The following OSBP2 variants were observed in gnomAD, a reference collection of about 807,000 sequenced individuals.
OSBP2 encodes the protein oxysterol binding protein 2.
A neutral mutation model predicts 96.0 loss-of-function variants in OSBP2; 66 were observed. The observed-to-expected ratio is 0.69, with a 90% CI of 0.56 to 0.84. The LOEUF (loss-of-function observed/expected upper bound fraction) is 0.84. OSBP2 is among the 40% of genes least tolerant of loss of function. OSBP2 has a pLI of 0.00. For missense variants in OSBP2, 1,038 were observed against 1,222.7 expected, an observed-to-expected ratio of 0.85 and a Z score of 2.25; for synonymous variants, 525 against 520.9, an observed-to-expected ratio of 1.01 and a Z score of -0.11.
At chr22:30,828,608 G>A (rs1320550460) in intron 2 of OSBP2, among the ~76,000 whole-genome samples, 2 of 152,214 alleles carry the variant, frequency 1.3e-5, no homozygotes, top group Non-Finnish European at 2.9e-5. Context: ...CAGAGGGCCC[G>A]ACGTGGGCAA....
At chr22:30,826,218 A>G (rs1177385514) in intron 2 of OSBP2, among the ~76,000 whole-genome samples, 1 of 152,100 alleles carries the variant, frequency 6.6e-6, no homozygotes, top group African/African-American at 2.4e-5. Flanking sequence ...CTTTTAGGGG[A>G]CAGCTTGCCA....
At chr22:30,781,249 TG>T (rs2090515460) in intron 2 of OSBP2, among the ~76,000 whole-genome samples, 1 of 151,824 alleles carries the variant, frequency 6.6e-6, no homozygotes, top group Admixed American at 6.6e-5. Context: ...CCCAAAGTGC[TG>T]GGATTACAGA....
intron 2 of OSBP2, among the ~76,000 whole-genome samples, chr22:30,836,874 C>T (rs759836239): frequency 1.3e-5 from 2 of 152,096 alleles, no homozygotes; most frequent in Non-Finnish European, 2.9e-5. Flanking sequence ...GCCTGTGTCC[C>T]CAGTGCCTTA....
intron 2 of OSBP2, chr22:30,764,159 C>G: frequency 3.4e-6 from 3 of 875,638 alleles, no homozygotes; most frequent in Non-Finnish European, 4.1e-6. Flanking sequence ...CTCGCCTCCC[C>G]TAGGCTCGCC....
intron 2 of OSBP2, among the ~76,000 whole-genome samples, chr22:30,851,630 G>T (rs1021256097): frequency 6.6e-6 from 1 of 152,078 alleles, no homozygotes; most frequent in Admixed American, 6.5e-5. Context: ...GTAATGTTGA[G>T]TAGAAGTGGT....
intron 2 of OSBP2, among the ~76,000 whole-genome samples, chr22:30,758,230 C>T (rs2090164676): frequency 6.6e-6 from 1 of 152,028 alleles, no homozygotes; most frequent in Admixed American, 6.6e-5. Context: ...GGTGAAACCC[C>T]ATCTCTACTA....
chr22:30,809,387 G>T (rs1487198744), intron 2 of OSBP2, among the ~76,000 whole-genome samples: 1 of 152,168 alleles, frequency 6.6e-6, no homozygotes, highest in East Asian at 1.9e-4. Flanking sequence ...CTCTGAGAAG[G>T]GCCTTCCACC....
At chr22:30,742,736 T>G (rs2089955920) in intron 2 of OSBP2, among the ~76,000 whole-genome samples, 1 of 152,226 alleles carries the variant, frequency 6.6e-6, no homozygotes, top group Admixed American at 6.5e-5. Flanking sequence ...AACCTATAGC[T>G]TGTTGGTGAG....
intron 2 of OSBP2, among the ~76,000 whole-genome samples, chr22:30,859,940 C>T (rs2147083501): frequency 6.6e-6 from 1 of 152,138 alleles, no homozygotes. Context: ...GCCCCCGGCC[C>T]CTCTCTGCAG....
chr22:30,794,091 G>A (rs980564844), intron 2 of OSBP2, among the ~76,000 whole-genome samples: 26 of 151,962 alleles, frequency 1.7e-4, no homozygotes, highest in Non-Finnish European at 3.4e-4. Flanking sequence ...GCCAGGCATG[G>A]TGGCTCACGC....
intron 2 of OSBP2, among the ~76,000 whole-genome samples, chr22:30,822,896 C>T (rs1569138264): frequency 6.6e-6 from 1 of 152,322 alleles, no homozygotes; most frequent in East Asian, 1.9e-4. Context: ...TCCCGGCTTG[C>T]TTCACGCGCG....
At chr22:30,701,646 A>G (rs527938264) in intron 1 of OSBP2, among the ~76,000 whole-genome samples, 4 of 152,222 alleles carry the variant, frequency 2.6e-5, no homozygotes, top group Non-Finnish European at 4.4e-5. Context: ...CCCAGCCTTC[A>G]ATGTCAATTT....
intron 2 of OSBP2, among the ~76,000 whole-genome samples, chr22:30,753,904 G>A (rs1452223945): frequency 1.3e-5 from 2 of 152,224 alleles, no homozygotes; most frequent in Non-Finnish European, 2.9e-5. Context: ...TCTCCAGCCA[G>A]TTTGGTATTC....
chr22:30,697,683 G>A (rs1242589000), intron 1 of OSBP2, among the ~76,000 whole-genome samples: 1 of 152,200 alleles, frequency 6.6e-6, no homozygotes, highest in African/African-American at 2.4e-5. Flanking sequence ...GGGGAGGAGG[G>A]AGTGAGAACA....
chr22:30,889,378 C>T (rs998678563), intron 6 of OSBP2, 112 bp from the exon 7 acceptor site: 24 of 1,441,456 alleles, frequency 1.7e-5, no homozygotes, highest in African/African-American at 7.0e-5. Context: ...CCACCAGCAG[C>T]GTACCAGTGG....
intron 2 of OSBP2, among the ~76,000 whole-genome samples, chr22:30,869,895 C>G (rs910001211): frequency 5.9e-5 from 9 of 152,138 alleles, no homozygotes; most frequent in Non-Finnish European, 8.8e-5. Flanking sequence ...GCGCTCAGGC[C>G]TTTGCAGGGA....
chr22:30,694,366 G>A (rs1002624991), upstream of OSBP2: 1 of 1,524,864 alleles, frequency 6.6e-7, no homozygotes. Flanking sequence ...CATGGGGGGC[G>A]GGGCGTCGTC....
rs1183880850 is a variant in OSBP2 at position 30,870,010 on chromosome 22, A to C, written c.854-419A>C. On this transcript the variant is annotated intron_variant, in intron 2 of 13. Transcript: ENST00000332585. This position sits in a 1 kb window ranked among gnomAD's most constrained non-coding sequence, Gnocchi z 4.1. ...TTGGGGTAGGCCTGCGATGCTGAGA[A>C]AGGAGCCCAGGCTCCATTCTGGGGG... Among the ~76,000 whole-genome samples the C allele has an allele frequency of 1.3e-5, 2 of 152,200 alleles. No individual in the cohort carries two copies. The highest frequency in any genetic ancestry group is 2.1e-4 in the South Asian group (1 of 4,834).
intron 3 of OSBP2, among the ~76,000 whole-genome samples, chr22:30,883,431 TGAGACCAGCTCAGCAGAGCCTG>T (rs1357059775): frequency 6.6e-6 from 1 of 152,188 alleles, no homozygotes; most frequent in Admixed American, 6.5e-5. Context: ...CTCTGAGCCT[TGAGACCAGCTCAGCAGAGCCTG>T]GAGACCTGCA....
Sources: gnomAD v4.1 joint callset for allele counts (sites outside exome capture counted in the v4.1 genomes callset) on GRCh38, gnomAD v4.1.1 for gene constraint, Gnocchi (gnomAD v3.1) non-coding constraint, MANE v1.5 for transcripts, NCBI Gene and HGNC (gene_info 2026-07-23, HGNC 2026-07-21) for gene names.